The following USP45 variants were observed in gnomAD, a reference collection of about 807,000 sequenced individuals.
The protein encoded by USP45 is ubiquitin carboxyl-terminal hydrolase 45.
USP45 carries 89 observed loss-of-function variants against 95.8 expected under a neutral mutation model. The ratio of observed to expected loss-of-function variants is 0.93; its 90% CI spans 0.78 to 1.11. The LOEUF (loss-of-function observed/expected upper bound fraction) is 1.11. USP45 is among the 50% of genes least tolerant of loss of function. USP45 has a pLI of 0.00. For synonymous variants in USP45, 281 were observed against 316.2 expected (o/e 0.89, Z 1.18); for missense variants, 898 against 942.5 (o/e 0.95, Z 0.62).
chr6:99,476,595 T>C (rs966695976), intron 8 of USP45, among the ~76,000 whole-genome samples: 7 of 152,244 alleles, frequency 4.6e-5, no homozygotes, highest in African/African-American at 1.4e-4. Context: ...AACTACTATA[T>C]GTTAAGCACA....
intron 2 of USP45, 104 bp from the exon 3 acceptor site, chr6:99,508,886 C>T: frequency 1.0e-6 from 1 of 968,024 alleles, no homozygotes; most frequent in South Asian, 1.9e-5. Flanking sequence ...CTAAAAAGCA[C>T]AGAGATTGAA....
At chr6:99,504,568 T>C (rs1313632073) in intron 4 of USP45, among the ~76,000 whole-genome samples, 1 of 152,176 alleles carries the variant, frequency 6.6e-6, no homozygotes, top group East Asian at 1.9e-4. Context: ...GCATTCTTTA[T>C]ATACATATTT....
Position 99,443,657 on chromosome 6 carries a change from T to A in USP45, c.1981A>T (p.Lys661Ter). 1 of 1,575,426 alleles carries A rather than the reference T, an allele frequency of 6.3e-7. No individual in the cohort carries two copies. Among genetic ancestry groups the A allele is most frequent in the Non-Finnish European group, 8.6e-7 (1 of 1,157,506 alleles). The change falls in exon 15 of 18, where the codon AAA becomes TAA. Residue 661 changes from lysine (K) to a stop codon, truncating the protein, a stop_gained. Coordinates refer to ENST00000500704, the MANE Select transcript of USP45 (RefSeq NM_001346022.3). LOFTEE classifies it high-confidence loss of function. The stretch of plus-strand genomic sequence containing the variant: ...GCATTAGTATAAACTCCTTCTACTT[T>A]CTTTTCTACATAAAATACAATAAAT... ...YQEETSFAEK[K>*]VEGVYTNARK...
At chr6:99,477,623 C>T (rs1243282150) in intron 8 of USP45, among the ~76,000 whole-genome samples, 1 of 152,174 alleles carries the variant, frequency 6.6e-6, no homozygotes, top group African/African-American at 2.4e-5. Flanking sequence ...AAGTGCAGTA[C>T]TTTCAGCATT....
At chr6:99,494,525 C>T (rs1316864682) in intron 5 of USP45, among the ~76,000 whole-genome samples, 1 of 151,978 alleles carries the variant, frequency 6.6e-6, no homozygotes, top group African/African-American at 2.4e-5. Flanking sequence ...AAAAAAAAAA[C>T]TTAAGATATT....
At chr6:99,465,762 T>C (rs1159670916) in intron 11 of USP45, among the ~76,000 whole-genome samples, 1 of 152,170 alleles carries the variant, frequency 6.6e-6, no homozygotes, top group African/African-American at 2.4e-5. Flanking sequence ...CCTTTTACTA[T>C]TAAAATCTAA....
At chr6:99,472,728 A>G (rs1789758881) in intron 9 of USP45, among the ~76,000 whole-genome samples, 1 of 152,232 alleles carries the variant, frequency 6.6e-6, no homozygotes. Context: ...CTCAACAAGA[A>G]GAGCAATATA....
chr6:99,442,769 C>T (rs1464907332), intron 15 of USP45, among the ~76,000 whole-genome samples: 1 of 152,102 alleles, frequency 6.6e-6, no homozygotes, highest in Non-Finnish European at 1.5e-5. Context: ...ATCGCTTGAA[C>T]CCAGGAGTTG....
intron 13 of USP45, among the ~76,000 whole-genome samples, chr6:99,455,429 C>T (rs12202281): frequency 0.15 from 22,369 of 151,304 alleles, 2,365 homozygotes; most frequent in Non-Finnish European, 0.21. Flanking sequence ...TCAGCCTGGG[C>T]GATGGAGCGA....
At chr6:99,466,856 A>T in intron 10 of USP45, 93 bp from the exon 11 acceptor site, 1 of 847,134 alleles carries the variant, frequency 1.2e-6, no homozygotes, top group Non-Finnish European at 1.9e-6. Context: ...AAGTAATCTG[A>T]ATAAGATATT....
chr6:99,488,152 T>A lies in USP45; in HGVS notation c.714+48A>T, dbSNP rs748821577. ...ATTAGGAAAAGAGATTTTGGTAACA[T>A]CAGTGGCTCATCTGAAAGCAGCTAT... On this transcript the variant is annotated intron_variant, in intron 7 of 17. Coordinates refer to ENST00000500704, the MANE Select transcript of USP45 (RefSeq NM_001346022.3). 13 of 1,287,026 alleles carry A rather than the reference T, an allele frequency of 1.0e-5. No homozygotes were observed. In the Admixed American group the frequency reaches 2.3e-4, roughly 22 times the overall value. 79.7% of individuals were successfully genotyped at this position (1,287,026 alleles called of 1,614,324 possible).
intron 9 of USP45, among the ~76,000 whole-genome samples, chr6:99,473,176 AT>A (rs1241275300): frequency 6.6e-6 from 1 of 152,108 alleles, no homozygotes; most frequent in African/African-American, 2.4e-5. Flanking sequence ...AATTATTTTG[AT>A]TTCTTCCCAA....
At position 99,469,019 on chromosome 6, in the gene USP45, A is replaced by G. The variant is rs572636936; in HGVS notation, c.934-401T>C. Among the ~76,000 whole-genome samples, 3 of 152,290 alleles carry G rather than the reference A, an allele frequency of 2.0e-5. No homozygotes were observed. The East Asian group carries it at 5.8e-4, about 29-fold the overall frequency. ...ATAGACCATATGAAATTTATTGTCT[A>G]TGAAGACCTTTCTATATTAAGAAGC... On this transcript the variant is annotated intron_variant, in intron 9 of 17. Coordinates refer to ENST00000500704, the MANE Select transcript of USP45 (RefSeq NM_001346022.3).
chr6:99,471,376 T>C (rs2128654069), intron 9 of USP45, among the ~76,000 whole-genome samples: 1 of 152,338 alleles, frequency 6.6e-6, no homozygotes, highest in Non-Finnish European at 1.5e-5. Context: ...ATCTCCACCT[T>C]ATACTTTAAA....
chr6:99,452,286 A>C (rs1013692148), intron 13 of USP45, among the ~76,000 whole-genome samples: 2 of 152,246 alleles, frequency 1.3e-5, no homozygotes, highest in Admixed American at 1.3e-4. Context: ...CTCATGTGAC[A>C]AAGGGCAAAT....
intron 10 of USP45, among the ~76,000 whole-genome samples, chr6:99,467,913 C>T (rs1282388548): frequency 8.2e-6 from 1 of 122,524 alleles, no homozygotes; most frequent in East Asian, 3.7e-4. Context: ...CTAAAAATCA[C>T]TTCATGCTAA....
At chr6:99,468,685 A>G (rs760904223) in intron 9 of USP45, 67 bp from the exon 10 acceptor site, 61 of 1,081,004 alleles carry the variant, frequency 5.6e-5, no homozygotes, top group Non-Finnish European at 7.5e-5. Flanking sequence ...TCCTAATAAA[A>G]GTACTTTCAA....
intron 4 of USP45, among the ~76,000 whole-genome samples, chr6:99,507,133 C>T (rs538327945): frequency 7.6e-4 from 116 of 152,198 alleles, no homozygotes; most frequent in African/African-American, 2.6e-3. Flanking sequence ...CTTCAACCCA[C>T]GAGGCAGAGA....
intron 5 of USP45, among the ~76,000 whole-genome samples, chr6:99,493,059 C>A (rs906899952): frequency 6.6e-6 from 1 of 151,070 alleles, no homozygotes; most frequent in South Asian, 2.1e-4. Context: ...GACGGAGTCT[C>A]ATTCTGTTGC....
Sources: allele counts gnomAD v4.1 joint callset (sites outside exome capture counted in the v4.1 genomes callset), GRCh38; gene constraint gnomAD v4.1.1; transcripts MANE v1.5; gene names NCBI Gene and HGNC (gene_info 2026-07-23, HGNC 2026-07-21).